Variants in ARB2A observed in about 807,000 individuals in gnomAD.
ARB2A encodes cotranscriptional regulator ARB2A.
At chr5:93,966,730 G>C in the ARB2A span, among the ~76,000 whole-genome samples, 1 of 151,962 alleles carries the variant, frequency 6.6e-6, no homozygotes, top group African/African-American at 2.4e-5. Flanking sequence ...AACTCCTTCA[G>C]GTAACTCTCA....
At chr5:94,041,157 T>TCC in the ARB2A span, among the ~76,000 whole-genome samples, 1 of 151,824 alleles carries the variant, frequency 6.6e-6, no homozygotes, top group Admixed American at 6.6e-5. Context: ...ACTAGTTATC[T>TCC]CCTGTAAAGT....
the ARB2A span, among the ~76,000 whole-genome samples, chr5:94,076,610 G>C: frequency 6.6e-6 from 1 of 152,162 alleles, no homozygotes; most frequent in Non-Finnish European, 1.5e-5. Flanking sequence ...ATCTGCAAGG[G>C]ATATATATTT....
At chr5:93,698,893 G>T in the ARB2A span, among the ~76,000 whole-genome samples, 1 of 152,170 alleles carries the variant, frequency 6.6e-6, no homozygotes, top group East Asian at 1.9e-4. Context: ...TATGGTGGGG[G>T]TCATGCAGGG....
the ARB2A span, among the ~76,000 whole-genome samples, chr5:93,980,790 A>G: frequency 2.0e-5 from 3 of 152,048 alleles, no homozygotes; most frequent in Non-Finnish European, 4.4e-5. Context: ...GTATTATTTA[A>G]AATCTATTCT....
chr5:93,772,654 G>A, the ARB2A span, among the ~76,000 whole-genome samples: 1 of 152,146 alleles, frequency 6.6e-6, no homozygotes, highest in East Asian at 1.9e-4. Flanking sequence ...TACAATCAAG[G>A]TGTTGGCTGG....
chr5:94,068,096 G>A, the ARB2A span, among the ~76,000 whole-genome samples: 1 of 152,142 alleles, frequency 6.6e-6, no homozygotes, highest in African/African-American at 2.4e-5. Context: ...GATGGTGGTG[G>A]GCTACTCCCA....
At chr5:93,867,578 G>A in the ARB2A span, among the ~76,000 whole-genome samples, 21 of 151,856 alleles carry the variant, frequency 1.4e-4, no homozygotes, top group Admixed American at 7.2e-4. Context: ...CCACCATGCC[G>A]AGCTAATTTT....
At chr5:93,931,379 A>T in the ARB2A span, among the ~76,000 whole-genome samples, 127 of 152,150 alleles carry the variant, frequency 8.3e-4, no homozygotes, top group African/African-American at 2.9e-3. Flanking sequence ...CAAGAAAATC[A>T]CTTGAACCCA....
chr5:94,047,742 A>T, the ARB2A span, among the ~76,000 whole-genome samples: 1 of 152,168 alleles, frequency 6.6e-6, no homozygotes, highest in Non-Finnish European at 1.5e-5. Context: ...CCTAGGAAAA[A>T]GGAATCATTT....
the ARB2A span, among the ~76,000 whole-genome samples, chr5:93,814,428 ACTAAC>A: frequency 6.6e-6 from 1 of 152,228 alleles, no homozygotes; most frequent in East Asian, 1.9e-4. Flanking sequence ...GAAATGGAAA[ACTAAC>A]CATAGCTCTG....
chr5:93,801,855 G>A, the ARB2A span, among the ~76,000 whole-genome samples: 6 of 152,124 alleles, frequency 3.9e-5, no homozygotes, highest in Admixed American at 3.9e-4. Flanking sequence ...AGCATGGCCT[G>A]AATGGCTAAA....
the ARB2A span, among the ~76,000 whole-genome samples, chr5:94,105,514 C>T: frequency 1.3e-5 from 2 of 152,150 alleles, no homozygotes; most frequent in South Asian, 4.1e-4. Context: ...ATTCCTTACT[C>T]ATGGATAGGA....
At chr5:93,800,430 CA>C in the ARB2A span, among the ~76,000 whole-genome samples, 1 of 150,528 alleles carries the variant, frequency 6.6e-6, no homozygotes, top group African/African-American at 2.4e-5. Context: ...CACACGCACA[CA>C]AAGATACAGC....
chr5:93,920,606 T>C, the ARB2A span, among the ~76,000 whole-genome samples: 2 of 152,198 alleles, frequency 1.3e-5, no homozygotes, highest in Non-Finnish European at 2.9e-5. Context: ...TATTTGATCA[T>C]TTAATACCAT....
chr5:93,729,737 T>C, the ARB2A span, among the ~76,000 whole-genome samples: 1 of 152,128 alleles, frequency 6.6e-6, no homozygotes, highest in Non-Finnish European at 1.5e-5. Context: ...ATAAAATGAA[T>C]ATGCATATCT....
At chr5:93,683,671 T>C in the ARB2A span, 10 of 1,607,510 alleles carry the variant, frequency 6.2e-6, no homozygotes, top group Admixed American at 1.7e-4. Flanking sequence ...GAAAAGATAG[T>C]TCTGGGGCCT....
At chr5:93,633,610 C>A in the ARB2A span, among the ~76,000 whole-genome samples, 1 of 152,284 alleles carries the variant, frequency 6.6e-6, no homozygotes, top group East Asian at 1.9e-4. Context: ...TTCTGTCTTA[C>A]ATTTCTGTAT....
chr5:93,700,687 T>C, the ARB2A span, among the ~76,000 whole-genome samples: 1 of 152,100 alleles, frequency 6.6e-6, no homozygotes, highest in Non-Finnish European at 1.5e-5. Context: ...AATGCAACAG[T>C]TGTGATTACT....
At chr5:94,090,502 T>C in the ARB2A span, among the ~76,000 whole-genome samples, 2 of 152,198 alleles carry the variant, frequency 1.3e-5, no homozygotes, top group African/African-American at 4.8e-5. Flanking sequence ...TCTTGCTATT[T>C]GAATACCCTT....
Sources: allele counts gnomAD v4.1 joint callset (sites outside exome capture counted in the v4.1 genomes callset), GRCh38; gene constraint gnomAD v4.1.1; transcripts MANE v1.5; gene names NCBI Gene and HGNC (gene_info 2026-07-23, HGNC 2026-07-21).